The following CTTNBP2NL variants were observed in gnomAD, a reference collection of about 807,000 sequenced individuals.
The protein encoded by CTTNBP2NL is CTTNBP2 N-terminal-like protein.
In CTTNBP2NL, 16 loss-of-function variants were observed where a neutral mutation model predicts 32.5. The ratio of observed to expected loss-of-function variants is 0.49; its 90% CI spans 0.33 to 0.75. The LOEUF is 0.75. CTTNBP2NL is among the 30% of genes least tolerant of loss of function. The pLI is 0.02. For missense variants in CTTNBP2NL, 645 were observed against 756.0 expected (o/e 0.85, Z 1.72); for synonymous variants, 298 against 289.4 (o/e 1.03, Z -0.30).
intron 3 of CTTNBP2NL, among the ~76,000 whole-genome samples, chr1:112,419,654 AGACT>A (rs1348812447): frequency 1.3e-5 from 2 of 152,246 alleles, no homozygotes; most frequent in Non-Finnish European, 2.9e-5. Context: ...ATTATTATAA[AGACT>A]GGTCTGAAAT....
chr1:112,456,826 C>T lies in CTTNBP2NL; in HGVS notation c.1334C>T (p.Pro445Leu). 1 of 1,614,088 alleles carries T rather than the reference C, an allele frequency of 6.2e-7. No individual in the cohort carries two copies. Among genetic ancestry groups the T allele is most frequent in the South Asian group, 1.1e-5 (1 of 91,074 alleles). ...TTATTGGGGTCATCAGCTAGCAGCC[C>T]TGGCTACCAGTCATCGTACCAAGTA... ...KRLLGSSASS[P>L]GYQSSYQVGI... Residue 445 changes from proline to leucine, a missense_variant, in exon 6 of 6, where the codon CCT (proline) becomes CTT (leucine). By Grantham distance (98) the Pro-to-Leu change is moderately conservative (BLOSUM62 -3). Transcript: ENST00000271277.
In CTTNBP2NL at chr1:112,416,155, AG is replaced by A; in HGVS notation, c.-9del. The A allele has an allele frequency of 6.8e-7, 1 of 1,475,820 alleles. No homozygotes were observed. Among genetic ancestry groups the A allele is most frequent in the African/African-American group, 1.4e-5 (1 of 71,646 alleles). 91.4% of individuals were successfully genotyped at this position (1,475,820 alleles called of 1,614,324 possible). ...ATTGTCTGATTGTTACCTTTGTTTC[AG>A]GCTTTCAAGATGAATCTGGAAAAAC... On this transcript the variant is annotated splice_acceptor_variant, in intron 2 of 5. Transcript: ENST00000271277. LOFTEE classifies it low-confidence loss of function (5UTR_SPLICE).
At chr1:112,404,741 C>G (rs1275977767) in intron 1 of CTTNBP2NL, among the ~76,000 whole-genome samples, 2 of 152,170 alleles carry the variant, frequency 1.3e-5, no homozygotes, top group African/African-American at 2.4e-5. Context: ...TGAAATAAAG[C>G]CATCTAACAA....
In CTTNBP2NL at chr1:112,401,311, T is replaced by C. The variant is rs139378914; in HGVS notation, c.-134+5039T>C. ...ATTTTTAGGAGAGTGTGTATCTGTC[T>C]TGGAGTGTGTGTATTTAATAATTTT... On this transcript the variant is annotated intron_variant, in intron 1 of 5. Transcript: ENST00000271277. Among the ~76,000 whole-genome samples the C allele has an allele frequency of 3.9e-3, 588 of 152,286 alleles. 3 individuals are homozygous for C. The highest frequency in any genetic ancestry group is 0.013 in the African/African-American group (552 of 41,574).
intron 3 of CTTNBP2NL, among the ~76,000 whole-genome samples, chr1:112,428,409 A>C (rs1649465703): frequency 6.6e-6 from 1 of 152,170 alleles, no homozygotes; most frequent in Admixed American, 6.5e-5. Flanking sequence ...ACCTACAGTT[A>C]AATTCTTCTT....
intron 1 of CTTNBP2NL, among the ~76,000 whole-genome samples, chr1:112,407,441 G>C (rs200855036): frequency 1.3e-5 from 2 of 152,140 alleles, no homozygotes; most frequent in Admixed American, 6.6e-5. Flanking sequence ...AAAGATGGCT[G>C]TCTTCACATT....
intron 3 of CTTNBP2NL, among the ~76,000 whole-genome samples, chr1:112,441,490 ATAAAGCTGCTATAG>A (rs1396125032): frequency 1.3e-5 from 2 of 152,190 alleles, no homozygotes; most frequent in African/African-American, 2.4e-5. Flanking sequence ...GCTATTACGA[ATAAAGCTGCTATAG>A]CAGCTTTATT....
intron 1 of CTTNBP2NL, among the ~76,000 whole-genome samples, chr1:112,410,829 G>A (rs536054511): frequency 3.9e-5 from 6 of 152,228 alleles, no homozygotes; most frequent in Non-Finnish European, 7.4e-5. Flanking sequence ...AAGGTAATTC[G>A]GGTCTTGGAA....
In CTTNBP2NL at chr1:112,448,944, C is replaced by G. The variant is rs762944269; in HGVS notation, c.102C>G (p.Ala34=). 4 of 1,591,650 alleles carry G rather than the reference C, an allele frequency of 2.5e-6. No homozygotes were observed. The highest frequency in any genetic ancestry group is 2.6e-6 in the Non-Finnish European group (3 of 1,160,262). ...TTATTTTTTTTCCTCTTTCCCAGGC[C>G]CAACACAGAGATACTTTCATTGAAG... ...ARDLVIEALK[A]QHRDTFIEER... Residue 34 remains alanine, a splice_region_variant and synonymous_variant, in exon 4 of 6, where the codon GCC becomes GCG. Coordinates refer to ENST00000271277, the MANE Select transcript of CTTNBP2NL (RefSeq NM_018704.3).
intron 3 of CTTNBP2NL, among the ~76,000 whole-genome samples, chr1:112,418,667 A>G (rs1159087248): frequency 6.6e-6 from 1 of 152,174 alleles, no homozygotes; most frequent in Non-Finnish European, 1.5e-5. Flanking sequence ...AAAGCAAATT[A>G]CATTGCTCAT....
At chr1:112,433,254 G>T (rs182239205) in intron 3 of CTTNBP2NL, among the ~76,000 whole-genome samples, 5 of 151,278 alleles carry the variant, frequency 3.3e-5, no homozygotes, top group Non-Finnish European at 7.4e-5. Flanking sequence ...TTTTGTGTGG[G>T]GGTGTGTGTG....
At chr1:112,448,624 T>G (rs1650122988) in intron 3 of CTTNBP2NL, among the ~76,000 whole-genome samples, 1 of 152,148 alleles carries the variant, frequency 6.6e-6, no homozygotes, top group African/African-American at 2.4e-5. Context: ...GCTAGATGAG[T>G]AACCAGGAAT....
chr1:112,456,697 T>A lies in CTTNBP2NL; in HGVS notation c.1205T>A (p.Met402Lys). The A allele has an allele frequency of 6.2e-7, 1 of 1,614,094 alleles. No homozygotes were observed. Among genetic ancestry groups the A allele is most frequent in the Non-Finnish European group, 8.5e-7 (1 of 1,180,020 alleles). ...GTGGGGATTGAGACTCCAGTCCCAA[T>A]GCCCAGTCCCCTCTCTTCCAGTGGG... ...CPVGIETPVPMPSPLSSSGSS... is the reference protein window; with the variant it reads ...CPVGIETPVPKPSPLSSSGSS... Residue 402 changes from methionine to lysine, a missense_variant, in exon 6 of 6, where the codon ATG becomes AAG. Coordinates refer to ENST00000271277, the MANE Select transcript of CTTNBP2NL (RefSeq NM_018704.3).
At chr1:112,392,711 T>C (rs2100983667), upstream of CTTNBP2NL, among the ~76,000 whole-genome samples, 1 of 152,130 alleles carries the variant, frequency 6.6e-6, no homozygotes, top group East Asian at 1.9e-4. Flanking sequence ...GAAGGCCATG[T>C]GAAGACGGAG....
At chr1:112,415,478 A>G (rs993521860) in intron 2 of CTTNBP2NL, among the ~76,000 whole-genome samples, 2 of 152,134 alleles carry the variant, frequency 1.3e-5, no homozygotes, top group African/African-American at 4.8e-5. Flanking sequence ...TTGATGGTCT[A>G]TCAATTTTTC....
intron 3 of CTTNBP2NL, among the ~76,000 whole-genome samples, chr1:112,432,200 AG>A (rs1401986127): frequency 6.7e-6 from 1 of 148,208 alleles, no homozygotes; most frequent in African/African-American, 2.5e-5. Context: ...CAGCCTCCCG[AG>A]TAGCTGGGAC....
chr1:112,449,094 G>A lies in CTTNBP2NL; in HGVS notation c.252G>A (p.Lys84=). ...PVCTNPLSIL[K]VVMKQCKNMQ... is the part of the protein sequence containing the mutation. ...GCACAAATCCACTCTCTATTCTTAA[G>A]GTTGTGATGAAGCAGTGCAAGAACA... The change falls in exon 4 of 6, where the codon AAG becomes AAA. Residue 84 remains lysine, a synonymous_variant. Coordinates refer to ENST00000271277, the MANE Select transcript of CTTNBP2NL (RefSeq NM_018704.3). 1 of 1,613,988 alleles carries A rather than the reference G, an allele frequency of 6.2e-7. No individual in the cohort carries two copies. The highest frequency in any genetic ancestry group is 8.5e-7 in the Non-Finnish European group (1 of 1,179,858).
intron 3 of CTTNBP2NL, among the ~76,000 whole-genome samples, chr1:112,419,476 A>G (rs1201931342): frequency 6.6e-6 from 1 of 152,180 alleles, no homozygotes; most frequent in African/African-American, 2.4e-5. Flanking sequence ...AGAACATCAC[A>G]GCTATGATCA....
chr1:112,411,578 G>A (rs1053955820), intron 1 of CTTNBP2NL, among the ~76,000 whole-genome samples: 11 of 152,136 alleles, frequency 7.2e-5, no homozygotes, highest in South Asian at 4.1e-4. Context: ...AGACAAAGTC[G>A]AGATGCTAAG....
Sources: allele counts gnomAD v4.1 joint callset (sites outside exome capture counted in the v4.1 genomes callset), GRCh38; gene constraint gnomAD v4.1.1; transcripts MANE v1.5; gene names NCBI Gene and HGNC (gene_info 2026-07-23, HGNC 2026-07-21).